OR2L13: variants seen among roughly 807,000 people sequenced by gnomAD.
OR2L13 encodes the protein olfactory receptor 2L13.
In OR2L13, 14 loss-of-function variants were observed where a neutral mutation model predicts 15.3. That is an observed-to-expected ratio of 0.91 (90% confidence interval 0.60 to 1.43). The LOEUF (loss-of-function observed/expected upper bound fraction) is 1.43. Among genes scored for constraint, OR2L13 ranks in the 40% most tolerant of loss-of-function variants. OR2L13 has a pLI of 0.00. For synonymous variants in OR2L13, 152 were observed against 142.9 expected (o/e 1.06, Z -0.45); for missense variants, 367 against 387.9 (o/e 0.95, Z 0.45).
At chr1:247,957,093 G>A in the OR2L13 span, among the ~76,000 whole-genome samples, 12 of 152,188 alleles carry the variant, frequency 7.9e-5, no homozygotes, top group Admixed American at 2.0e-4. Flanking sequence ...GTCATAGATA[G>A]CTCTTATTAT....
chr1:248,038,327 A>G, the OR2L13 span: 4 of 1,613,682 alleles, frequency 2.5e-6, no homozygotes, highest in South Asian at 2.2e-5. Flanking sequence ...TCCCACAATC[A>G]AGAATTGGCC....
the OR2L13 span, among the ~76,000 whole-genome samples, chr1:247,962,579 A>G: frequency 6.6e-6 from 1 of 152,220 alleles, no homozygotes; most frequent in Admixed American, 6.5e-5. Context: ...TTCAATGTGC[A>G]GTTTTACCAG....
At chr1:248,065,229 A>G in the OR2L13 span, among the ~76,000 whole-genome samples, 4 of 152,108 alleles carry the variant, frequency 2.6e-5, no homozygotes, top group Admixed American at 6.6e-5. Context: ...TTCACTTCAC[A>G]GTCATTCTTT....
At chr1:247,982,348 C>T in the OR2L13 span, among the ~76,000 whole-genome samples, 1 of 152,070 alleles carries the variant, frequency 6.6e-6, no homozygotes, top group East Asian at 1.9e-4. Context: ...GTTACTCTTT[C>T]TGATAATGAG....
the OR2L13 span, chr1:247,949,712 C>T: frequency 1.9e-6 from 3 of 1,613,826 alleles, no homozygotes; most frequent in African/African-American, 4.0e-5. Flanking sequence ...CAATGCTCAA[C>T]CCCATCATCT....
chr1:247,990,254 A>T, the OR2L13 span: 1 of 827,008 alleles, frequency 1.2e-6, no homozygotes, highest in Non-Finnish European at 2.1e-6. Flanking sequence ...AGGAAGGATC[A>T]TATGAATGCT....
chr1:248,062,809 A>T, the OR2L13 span: 1 of 152,240 alleles, frequency 6.6e-6, no homozygotes, highest in African/African-American at 2.4e-5. Flanking sequence ...TTTGATCATT[A>T]TGCATTGTAT....
At chr1:247,951,298 A>C in the OR2L13 span, among the ~76,000 whole-genome samples, 2 of 151,940 alleles carry the variant, frequency 1.3e-5, no homozygotes, top group African/African-American at 4.8e-5. Context: ...AAATCTTAGA[A>C]TTGTTTTTAC....
chr1:248,000,802 G>T, the OR2L13 span, among the ~76,000 whole-genome samples: 1 of 151,952 alleles, frequency 6.6e-6, no homozygotes, highest in East Asian at 1.9e-4. Context: ...ATTAAAAACA[G>T]GTGATATGAG....
At chr1:248,092,735 C>T (rs1664628355), upstream of OR2L13, among the ~76,000 whole-genome samples, 1 of 152,160 alleles carries the variant, frequency 6.6e-6, no homozygotes, top group African/African-American at 2.4e-5. Context: ...GACACCATCA[C>T]AGAGTAATTC....
At chr1:248,025,541 C>T in the OR2L13 span, among the ~76,000 whole-genome samples, 13 of 149,226 alleles carry the variant, frequency 8.7e-5, no homozygotes, top group African/African-American at 2.8e-4. Flanking sequence ...GTCAGTGTGG[C>T]GATTCCTCAG....
chr1:248,010,106 A>G, the OR2L13 span, among the ~76,000 whole-genome samples: 3 of 152,136 alleles, frequency 2.0e-5, no homozygotes, highest in South Asian at 2.1e-4. Flanking sequence ...AAACCAGCAC[A>G]AGATAAGGAT....
upstream of OR2L13, among the ~76,000 whole-genome samples, chr1:248,096,014 T>G (rs1664730683): frequency 6.6e-6 from 1 of 152,108 alleles, no homozygotes; most frequent in African/African-American, 2.4e-5. Flanking sequence ...CTAGAAAGCT[T>G]TTTTGGAAAT....
chr1:248,061,560 C>G, the OR2L13 span: 9 of 1,613,664 alleles, frequency 5.6e-6, no homozygotes, highest in Non-Finnish European at 6.8e-6. Flanking sequence ...GCCTGAGGAA[C>G]AAGGAGGTGA....
At chr1:248,001,292 C>CACATAT in the OR2L13 span, among the ~76,000 whole-genome samples, 1 of 151,972 alleles carries the variant, frequency 6.6e-6, no homozygotes, top group African/African-American at 2.4e-5. Context: ...TGGAGAGAGT[C>CACATAT]TGTGAAAGTT....
the OR2L13 span, among the ~76,000 whole-genome samples, chr1:248,072,951 G>A: frequency 6.6e-6 from 1 of 152,122 alleles, no homozygotes; most frequent in Non-Finnish European, 1.5e-5. Flanking sequence ...AGTTAGAATG[G>A]CAATCATTAA....
the OR2L13 span, chr1:248,061,078 A>G: frequency 1.9e-6 from 3 of 1,614,022 alleles, no homozygotes; most frequent in African/African-American, 1.3e-5. Context: ...TCACTATCCC[A>G]TCCGCATGAG....
the OR2L13 span, chr1:248,003,302 A>G: frequency 6.3e-7 from 1 of 1,583,034 alleles, no homozygotes; most frequent in Non-Finnish European, 8.7e-7. Context: ...CCACACACCC[A>G]TGTGTTTCCT....
the OR2L13 span, among the ~76,000 whole-genome samples, chr1:247,955,351 T>A: frequency 1.3e-5 from 2 of 151,760 alleles, no homozygotes; most frequent in African/African-American, 4.8e-5. Context: ...TCTATCATTG[T>A]TGGACATTTG....
Sources: gnomAD v4.1 joint callset for allele counts (sites outside exome capture counted in the v4.1 genomes callset) on GRCh38, gnomAD v4.1.1 for gene constraint, MANE v1.5 for transcripts, NCBI Gene and HGNC (gene_info 2026-07-23, HGNC 2026-07-21) for gene names.